Variants in KLF16 observed in about 807,000 individuals in gnomAD.
KLF16 encodes KLF transcription factor 16.
A neutral mutation model predicts 6.1 loss-of-function variants in KLF16; 6 were observed. The ratio of observed to expected loss-of-function variants is 0.98; its 90% CI spans 0.54 to 1.93. The LOEUF (loss-of-function observed/expected upper bound fraction) is 1.93. Among genes scored for constraint, KLF16 ranks in the 30% most tolerant of loss-of-function variants. The probability of loss-of-function intolerance (pLI) is 0.01; values close to 1 mark genes in which losing one functional copy is unlikely to be tolerated. For synonymous variants in KLF16, 211 were observed against 176.5 expected, an observed-to-expected ratio of 1.20 and a Z score of -1.55; for missense variants, 355 against 363.8, an observed-to-expected ratio of 0.98 and a Z score of 0.20.
At position 1,852,599 on chromosome 19, in the gene KLF16, G is replaced by T. The variant is rs1035070258; in HGVS notation, c.*1860C>A. On this transcript the variant is annotated 3_prime_UTR_variant, in exon 2 of 2. Transcript: ENST00000250916. ...GGTCTCTCCAAGCCCCTGGACACTG[G>T]AGAGGGGCCCAGTTATAGAGTTCTG... is the stretch of plus-strand genomic sequence containing the variant. 2.6e-5 allele frequency: 4 copies of T among 152,100 alleles called. No individual in the cohort carries two copies. The highest frequency in any genetic ancestry group is 6.5e-5 in the Admixed American group (1 of 15,282). The allele number at this position is 152,100 out of a possible 1,614,324, so 9.4% of individuals were successfully genotyped here.
upstream of KLF16, chr19:1,863,638 C>A (rs1465104559): frequency 4.7e-5 from 9 of 190,550 alleles, no homozygotes; most frequent in African/African-American, 9.9e-5. Context: ...GACGCCCGCG[C>A]TCGGCCTGCC....
upstream of KLF16, among the ~76,000 whole-genome samples, chr19:1,865,806 A>G (rs1028098285): frequency 8.5e-5 from 13 of 152,156 alleles, no homozygotes; most frequent in Non-Finnish European, 1.5e-4. Flanking sequence ...TGCGGTGAAC[A>G]CAGACAAACC....
At position 1,853,984 on chromosome 19, in the gene KLF16, TG is replaced by T. The variant is rs10556752; in HGVS notation, c.*474del. On this transcript the variant is annotated 3_prime_UTR_variant, in exon 2 of 2. Coordinates refer to ENST00000250916, the MANE Select transcript of KLF16 (RefSeq NM_031918.4). Reference sequence around the variant, plus strand: ...ACTACTCCCATGGCTTTCGGTGGGGTGGGGGTGGGGTGGGGAGAGGCAGGGG... The same window carrying T: ...ACTACTCCCATGGCTTTCGGTGGGGTGGGGTGGGGTGGGGAGAGGCAGGGG... 0.77 allele frequency: 105,774 copies of T among 137,834 alleles called. 37,947 individuals are homozygous for T. The highest frequency in any genetic ancestry group is 0.81 in the Middle Eastern group (225 of 278). The allele number at this position is 137,834 out of a possible 1,614,324, so 8.5% of individuals were successfully genotyped here.
intron 1 of KLF16, among the ~76,000 whole-genome samples, chr19:1,858,738 G>GC (rs2012003638): frequency 6.6e-6 from 1 of 152,020 alleles, no homozygotes; most frequent in South Asian, 2.1e-4. Context: ...CCCAACCCAG[G>GC]CCAGGACCTC....
the KLF16 span, among the ~76,000 whole-genome samples, chr19:1,870,674 C>CA: frequency 2.3e-4 from 34 of 149,064 alleles, no homozygotes; most frequent in East Asian, 4.6e-3. Context: ...CAGTCTGACC[C>CA]AAAAAAAAAG....
chr19:1,872,249 G>T, the KLF16 span, among the ~76,000 whole-genome samples: 1 of 152,190 alleles, frequency 6.6e-6, no homozygotes, highest in African/African-American at 2.4e-5. Context: ...TCCTGCCTCA[G>T]CCTCCCGAGT....
intron 1 of KLF16, among the ~76,000 whole-genome samples, chr19:1,859,743 C>A (rs983756026): frequency 2.6e-5 from 4 of 152,216 alleles, no homozygotes; most frequent in Non-Finnish European, 5.9e-5. Flanking sequence ...TCCCTAAGTC[C>A]TGGGGCGCGG....
the KLF16 span, among the ~76,000 whole-genome samples, chr19:1,873,938 C>T: frequency 6.6e-6 from 1 of 152,232 alleles, no homozygotes; most frequent in Non-Finnish European, 1.5e-5. Flanking sequence ...GTGCTGAGTT[C>T]GCAGCAGCTT....
chr19:1,866,655 A>T (rs895279239), upstream of KLF16, among the ~76,000 whole-genome samples: 1 of 151,434 alleles, frequency 6.6e-6, no homozygotes, highest in African/African-American at 2.4e-5. Flanking sequence ...TCACACCTGT[A>T]GTCCCAGCTA....
chr19:1,873,854 AC>A, the KLF16 span, among the ~76,000 whole-genome samples: 20 of 152,224 alleles, frequency 1.3e-4, 1 homozygote, highest in Non-Finnish European at 2.8e-4. Context: ...GACTCGGTTT[AC>A]CCCATGTGAG....
At chr19:1,856,342 C>T (rs112775081) in intron 1 of KLF16, among the ~76,000 whole-genome samples, 1 of 152,162 alleles carries the variant, frequency 6.6e-6, no homozygotes, top group African/African-American at 2.4e-5. Context: ...CCAAGAAGAG[C>T]TGGAAGAAAA....
upstream of KLF16, among the ~76,000 whole-genome samples, chr19:1,866,367 T>G (rs893241083): frequency 2.0e-5 from 3 of 151,850 alleles, no homozygotes; most frequent in Non-Finnish European, 2.9e-5. Flanking sequence ...TCCCAGCACT[T>G]TGGGAGGCCG....
In KLF16 at chr19:1,854,562, C is replaced by T. The variant is rs1310226062; in HGVS notation, c.656G>A (p.Arg219His). Residue 219 changes from arginine to histidine, a missense_variant, in exon 2 of 2, where the codon CGC (arginine) becomes CAC (histidine). Transcript: ENST00000250916. ...HPGFHPDLLR[R>H]PGARSTSPSD... The stretch of plus-strand genomic sequence containing the variant: ...GGGGGAGGTACTGCGGGCACCAGGG[C>T]GCCGGAGCAGGTCCGGGTGGAAGCC... 3.2e-6 allele frequency: 5 copies of T among 1,573,582 alleles called. No individual in the cohort carries two copies. Among genetic ancestry groups the T allele is most frequent in the Non-Finnish European group, 4.3e-6 (5 of 1,167,652 alleles).
the KLF16 span, among the ~76,000 whole-genome samples, chr19:1,871,353 C>T: frequency 1.3e-5 from 2 of 152,094 alleles, no homozygotes; most frequent in Admixed American, 6.5e-5. Context: ...GGACGGGCTG[C>T]GGAGGTGGCC....
rs10412637 is a variant in KLF16, at chr19:1,857,675, G to C, written c.458-2915C>G. Among the ~76,000 whole-genome samples, 40,809 of 151,768 alleles carry C rather than the reference G, an allele frequency of 0.27. 6,223 individuals carry two copies. Among genetic ancestry groups the C allele is most frequent in the African/African-American group, 0.41 (16,855 of 41,322 alleles). On this transcript the variant is annotated intron_variant, in intron 1 of 1. Coordinates refer to ENST00000250916, the MANE Select transcript of KLF16 (RefSeq NM_031918.4). This position sits in a 1 kb window ranked among gnomAD's most constrained non-coding sequence, Gnocchi z 4.7. ...GTCTGGGGGGCCTTGGGGTGGGGAG[G>C]GGGGCTGTGGCCGGCTGCCTGCCGG...
the KLF16 span, among the ~76,000 whole-genome samples, chr19:1,872,522 T>C: frequency 0.022 from 3,356 of 152,264 alleles, 126 homozygotes; most frequent in African/African-American, 0.077. Context: ...GTGAGGCTAT[T>C]GGGGAGGGCG....
Position 1,863,266 on chromosome 19 carries a change from G to A in KLF16, c.232C>T (p.Leu78=). Residue 78 remains leucine, a synonymous_variant, in exon 1 of 2, where the codon CTG becomes TTG. Transcript: ENST00000250916. ...PGPGAAAAPH[L]LAASILADLR... is the part of the protein sequence containing the mutation. ...TCGGCCAGGATGCTGGCGGCCAGCA[G>A]GTGGGGCGCCGCGGCGGCGCCGGGG... 2.0e-6 allele frequency: 2 copies of A among 1,009,550 alleles called. No homozygotes were observed. Among genetic ancestry groups the A allele is most frequent in the Non-Finnish European group, 2.4e-6 (2 of 847,356 alleles). The allele number at this position is 1,009,550 out of a possible 1,614,324, so 62.5% of individuals were successfully genotyped here.
At position 1,854,259 on chromosome 19, in the gene KLF16, C is replaced by T. The variant is rs540800940; in HGVS notation, c.*200G>A. ...ATGGCTATTTACAGACACAAGCCCC[C>T]GTCACCCATCCTGAGAGCCACCTCT... On this transcript the variant is annotated 3_prime_UTR_variant, in exon 2 of 2. Transcript: ENST00000250916. The T allele has an allele frequency of 1.1e-5, 6 of 559,600 alleles. No homozygotes were observed. Among genetic ancestry groups the T allele is most frequent in the Admixed American group, 4.3e-5 (1 of 23,150 alleles). 34.7% of individuals were successfully genotyped at this position (559,600 alleles called of 1,614,324 possible).
upstream of KLF16, among the ~76,000 whole-genome samples, chr19:1,865,054 T>C (rs958426592): frequency 2.0e-5 from 3 of 152,210 alleles, no homozygotes; most frequent in African/African-American, 7.2e-5. Flanking sequence ...GGCTGACCAC[T>C]GTTCCCTGGG....
Sources: gnomAD v4.1 joint callset for allele counts (sites outside exome capture counted in the v4.1 genomes callset) on GRCh38, gnomAD v4.1.1 for gene constraint, Gnocchi (gnomAD v3.1) non-coding constraint, MANE v1.5 for transcripts, NCBI Gene and HGNC (gene_info 2026-07-23, HGNC 2026-07-21) for gene names.